The following NCAPD2 variants were observed in gnomAD, a reference collection of about 807,000 sequenced individuals.
NCAPD2 encodes condensin complex subunit 1.
Under a neutral mutation model 164.5 loss-of-function variants are expected in NCAPD2, and 100 were observed. The observed-to-expected ratio is 0.61, with a 90% CI of 0.52 to 0.72. NCAPD2 has a LOEUF of 0.72. NCAPD2 is among the 30% of genes least tolerant of loss of function. The pLI, the probability that NCAPD2 is intolerant of heterozygous loss-of-function variation, is 0.00. For synonymous variants in NCAPD2, 585 were observed against 642.6 expected (o/e 0.91, Z 1.36); for missense variants, 1,560 against 1,749.2 (o/e 0.89, Z 1.93).
chr12:6,526,585 G>A lies in NCAPD2; in HGVS notation c.2704G>A (p.Glu902Lys). Residue 902 changes from glutamate to lysine, a missense_variant, in exon 21 of 32, where the codon GAA becomes AAA. Glu to Lys is a moderately conservative substitution (Grantham distance 56, BLOSUM62 1). Coordinates refer to ENST00000315579, the MANE Select transcript of NCAPD2 (RefSeq NM_014865.4). The stretch of plus-strand genomic sequence containing the variant: ...TGCAAAACAGGCCCTGGAGAAGCTA[G>A]AAGAGAAGAGAACCAGTCAGGAGGA... ...GCAKQALEKL[E>K]EKRTSQEDPK... is the part of the protein sequence containing the mutation. 1.2e-6 allele frequency: 2 copies of A among 1,614,118 alleles called. No homozygotes were observed. The highest frequency in any genetic ancestry group is 2.2e-5 in the South Asian group (2 of 91,084).
intron 17 of NCAPD2, among the ~76,000 whole-genome samples, chr12:6,524,958 G>A (rs959937886): frequency 3.3e-5 from 5 of 152,292 alleles, no homozygotes; most frequent in African/African-American, 7.2e-5. Flanking sequence ...CCCTACAAGA[G>A]GCAGGGGAGA....
chr12:6,522,862 C>T lies in NCAPD2; in HGVS notation c.1989C>T (p.Val663=). Residue 663 remains valine (V), a synonymous_variant, in exon 16 of 32, where the codon GTC becomes GTT. Coordinates refer to ENST00000315579, the MANE Select transcript of NCAPD2 (RefSeq NM_014865.4). ...VQEVIEFFVM[V]FQFGVPQALF... ...AGGTGATTGAATTCTTTGTGATGGTCTTCCAATTTGGGGTACCCCAGGCCC... is the reference window on the plus strand; with the variant it reads ...AGGTGATTGAATTCTTTGTGATGGTTTTCCAATTTGGGGTACCCCAGGCCC... The T allele has an allele frequency of 6.2e-7, 1 of 1,614,120 alleles. No homozygotes were observed. The highest frequency in any genetic ancestry group is 8.5e-7 in the Non-Finnish European group (1 of 1,180,024).
At chr12:6,503,605 A>G (rs2137039134) in intron 2 of NCAPD2, among the ~76,000 whole-genome samples, 1 of 152,160 alleles carries the variant, frequency 6.6e-6, no homozygotes, top group Middle Eastern at 3.4e-3. Flanking sequence ...CCCCGTCTCT[A>G]CTAAAAATAC....
intron 2 of NCAPD2, among the ~76,000 whole-genome samples, chr12:6,502,529 A>G (rs1257957367): frequency 6.6e-6 from 1 of 152,212 alleles, no homozygotes; most frequent in Non-Finnish European, 1.5e-5. Context: ...GTGTGGTCAC[A>G]TGAATGGAGT....
Position 6,528,982 on chromosome 12 carries a change from G to A in NCAPD2, c.3515G>A (p.Ser1172Asn). Reference protein sequence around the residue: ...AIYNLLPDIISRLSDPELGVE... With the variant: ...AIYNLLPDIINRLSDPELGVE... Reference sequence around the variant, plus strand: ...TATAATCTCCTTCCAGATATCATCAGCCGCCTGTCAGACCCCGAGCTGGGG... The same window carrying A: ...TATAATCTCCTTCCAGATATCATCAACCGCCTGTCAGACCCCGAGCTGGGG... Residue 1172 changes from serine (S) to asparagine (N), a missense_variant, in exon 27 of 32, where the codon AGC (serine) becomes AAC (asparagine). Transcript: ENST00000315579. The surrounding 1 kb of genome is among the most constrained non-coding windows in gnomAD (Gnocchi z 5.1). 6.2e-7 allele frequency: 1 copy of A among 1,613,830 alleles called. No homozygotes were observed. Among genetic ancestry groups the A allele is most frequent in the Non-Finnish European group, 8.5e-7 (1 of 1,180,026 alleles).
intron 6 of NCAPD2, among the ~76,000 whole-genome samples, chr12:6,512,929 G>A (rs1331362792): frequency 1.3e-5 from 2 of 152,258 alleles, no homozygotes; most frequent in African/African-American, 4.8e-5. Context: ...TGACTCTCCC[G>A]GGTTTTGGTC....
Position 6,521,909 on chromosome 12 carries a change from G to A in NCAPD2, c.1826G>A (p.Arg609Lys). Reference sequence around the variant, plus strand: ...AATATGTCGGATCCTGAGGAATCCAGGGGAAATGATGAACTAGTGAAGCAG... The same window carrying A: ...AATATGTCGGATCCTGAGGAATCCAAGGGAAATGATGAACTAGTGAAGCAG... ...KPNMSDPEES[R>K]GNDELVKQEM... The change falls in exon 15 of 32, where the codon AGG becomes AAG. Residue 609 changes from arginine (R) to lysine (K), a missense_variant. Physicochemically the swap from Arg to Lys is conservative, Grantham distance 26. Transcript: ENST00000315579. 6.2e-7 allele frequency: 1 copy of A among 1,614,120 alleles called. No homozygotes were observed. Among genetic ancestry groups the A allele is most frequent in the African/African-American group, 1.3e-5 (1 of 75,008 alleles).
At chr12:6,514,140 A>G (rs1163979200) in intron 6 of NCAPD2, 125 bp from the exon 7 acceptor site, 1 of 1,308,414 alleles carries the variant, frequency 7.6e-7, no homozygotes, top group Middle Eastern at 2.5e-4. Context: ...TGTTATAGAA[A>G]GTAATGGCTA....
At chr12:6,502,618 A>G (rs1451834239) in intron 2 of NCAPD2, among the ~76,000 whole-genome samples, 6 of 152,054 alleles carry the variant, frequency 3.9e-5, no homozygotes, top group Non-Finnish European at 5.9e-5. Flanking sequence ...ATAAGTTACA[A>G]GTATCACAGT....
Position 6,528,564 on chromosome 12 carries a change from C to T in NCAPD2, c.3300-115C>T. 1 of 1,292,516 alleles carries T rather than the reference C, an allele frequency of 7.7e-7. No homozygotes were observed. Among genetic ancestry groups the T allele is most frequent in the South Asian group, 1.4e-5 (1 of 73,110 alleles). 80.1% of individuals were successfully genotyped at this position (1,292,516 alleles called of 1,614,324 possible). ...CTTTCAACTCTAGACAGCTTTCTGA[C>T]TGCTTCTGGAGTGGCAGAGCATGGG... On this transcript the variant is annotated intron_variant, in intron 25 of 31. Coordinates refer to ENST00000315579, the MANE Select transcript of NCAPD2 (RefSeq NM_014865.4). The surrounding 1 kb of genome is among the most constrained non-coding windows in gnomAD (Gnocchi z 5.1).
chr12:6,494,857 G>A (rs1459968193), intron 1 of NCAPD2, among the ~76,000 whole-genome samples: 1 of 152,016 alleles, frequency 6.6e-6, no homozygotes, highest in African/African-American at 2.4e-5. Context: ...TCTAGTCCAG[G>A]GTCAATCTCA....
chr12:6,516,458 C>T lies in NCAPD2; in HGVS notation c.988-370C>T, dbSNP rs146781163. ...CAGAGGTTGCAGTGAGCCGAGATGGCGCCACAGCACTCCAGCCTGGGCAAC... is the reference window on the plus strand; with the variant it reads ...CAGAGGTTGCAGTGAGCCGAGATGGTGCCACAGCACTCCAGCCTGGGCAAC... On this transcript the variant is annotated intron_variant, in intron 9 of 31. Transcript: ENST00000315579. Among the ~76,000 whole-genome samples, 223 of 152,230 alleles carry T rather than the reference C, an allele frequency of 1.5e-3. 1 individual carries two copies. The highest frequency in any genetic ancestry group is 4.7e-3 in the African/African-American group (196 of 41,544).
intron 2 of NCAPD2, among the ~76,000 whole-genome samples, chr12:6,502,674 G>A (rs1946048996): frequency 2.0e-5 from 3 of 152,090 alleles, no homozygotes; most frequent in East Asian, 2.0e-4. Context: ...ATAAGGCCGA[G>A]TGTGGTGGCA....
chr12:6,517,418 G>A lies in NCAPD2; in HGVS notation c.1239G>A (p.Leu413=), dbSNP rs147187486. ...QAVVALAVGR[L]ADKSVLVCKN... is the part of the protein sequence containing the mutation. ...TGGTGGCTTTAGCTGTGGGACGTCT[G>A]GCAGACAAGTCAGTGCTAGTATGTA... Residue 413 remains leucine, a synonymous_variant, in exon 11 of 32, where the codon CTG becomes CTA. Transcript: ENST00000315579. The A allele has an allele frequency of 6.2e-6, 10 of 1,614,102 alleles. No homozygotes were observed. In the African/African-American group the frequency reaches 1.1e-4, roughly 17 times the overall value.
intron 2 of NCAPD2, 55 bp downstream of exon 2, chr12:6,495,280 G>A (rs1458132907): frequency 1.9e-6 from 3 of 1,591,246 alleles, no homozygotes; most frequent in Admixed American, 3.4e-5. Context: ...CATCTCACAT[G>A]GAATTGCTAC....
At chr12:6,525,033 T>C (rs1946303681) in intron 17 of NCAPD2, among the ~76,000 whole-genome samples, 1 of 151,934 alleles carries the variant, frequency 6.6e-6, no homozygotes, top group Non-Finnish European at 1.5e-5. Context: ...GACCAACCCA[T>C]GGGAAGGAAG....
Position 6,522,950 on chromosome 12 carries a change from G to A in NCAPD2, c.2077G>A (p.Val693Met), listed in dbSNP as rs775825528. 1.2e-5 allele frequency: 20 copies of A among 1,614,080 alleles called. No homozygotes were observed. In the South Asian group the frequency reaches 1.5e-4, roughly 12 times the overall value. Residue 693 changes from valine (V) to methionine (M), a missense_variant, in exon 16 of 32, where the codon GTG (valine) becomes ATG (methionine). Val to Met is a conservative substitution (Grantham distance 21, BLOSUM62 1). Coordinates refer to ENST00000315579, the MANE Select transcript of NCAPD2 (RefSeq NM_014865.4). Reference sequence around the variant, plus strand: ...TAAGGAGCCTGGTGTCCGGGAAGCCGTGCTTAATGCCTACCGCCAACTCTA... The same window carrying A: ...TAAGGAGCCTGGTGTCCGGGAAGCCATGCTTAATGCCTACCGCCAACTCTA... ...WSKEPGVREAVLNAYRQLYLN... is the reference protein window; with the variant it reads ...WSKEPGVREAMLNAYRQLYLN...
rs556044417 is a variant in NCAPD2, at chr12:6,531,534, T to C, written c.*122T>C. 6.3e-4 allele frequency: 946 copies of C among 1,513,536 alleles called. 7 individuals carry two copies. In the African/African-American group the frequency reaches 0.012, roughly 19 times the overall value. 93.8% of individuals were successfully genotyped at this position (1,513,536 alleles called of 1,614,324 possible). A position where few individuals can be genotyped will look rare whatever the true frequency, so the allele number is the denominator to read the frequency against. ...TTTAAAAAAAAAAAAGGCCGGGCAC[T>C]GTGGCTCACGCCTGTAATCCCAGCA... On this transcript the variant is annotated 3_prime_UTR_variant, in exon 32 of 32. Transcript: ENST00000315579. The surrounding 1 kb of genome is among the most constrained non-coding windows in gnomAD (Gnocchi z 4.1).
rs202035339 is a variant in NCAPD2, at chr12:6,514,326, C to G, written c.649C>G (p.Arg217Gly). ...TCCCACCATTAATCACCAGAAGAACCGCCCCACTCGGGAAGCCATAACACA... is the reference window on the plus strand; with the variant it reads ...TCCCACCATTAATCACCAGAAGAACGGCCCCACTCGGGAAGCCATAACACA... ...ENPTINHQKN[R>G]PTREAITHLL... Residue 217 changes from arginine to glycine, a missense_variant, in exon 7 of 32, where the codon CGC becomes GGC. Arg to Gly is a moderately radical substitution (Grantham distance 125). Coordinates refer to ENST00000315579, the MANE Select transcript of NCAPD2 (RefSeq NM_014865.4). The G allele has an allele frequency of 6.2e-7, 1 of 1,614,154 alleles. No individual in the cohort carries two copies.
Sources: allele counts gnomAD v4.1 joint callset (sites outside exome capture counted in the v4.1 genomes callset), GRCh38; gene constraint gnomAD v4.1.1; non-coding constraint Gnocchi (gnomAD v3.1); transcripts MANE v1.5; gene names NCBI Gene and HGNC (gene_info 2026-07-23, HGNC 2026-07-21).